The following DYM variants were observed in gnomAD, a reference collection of about 807,000 sequenced individuals.
DYM encodes dyggve-Melchior-Clausen syndrome protein.
DYM carries 78 observed loss-of-function variants against 93.1 expected under a neutral mutation model. The ratio of observed to expected loss-of-function variants is 0.84; its 90% CI spans 0.70 to 1.01. The LOEUF (loss-of-function observed/expected upper bound fraction) is 1.01. Ranked by LOEUF, DYM falls within the 50% of genes least tolerant of loss-of-function variation. DYM has a pLI of 0.00. For missense variants in DYM, 789 were observed against 845.0 expected (o/e 0.93, Z 0.82); for synonymous variants, 321 against 319.7 (o/e 1.00, Z -0.04).
intron 8 of DYM, among the ~76,000 whole-genome samples, chr18:49,287,987 G>A (rs1179631942): frequency 6.6e-6 from 1 of 151,996 alleles, no homozygotes; most frequent in African/African-American, 2.4e-5. Context: ...ACCAAAAAAA[G>A]AATGTAAATT....
intron 14 of DYM, 33 bp downstream of exon 14, chr18:49,209,518 G>C: frequency 7.9e-7 from 1 of 1,270,754 alleles, no homozygotes. Context: ...ACAACATGCA[G>C]CATGCAGTAA....
At chr18:49,197,247 T>C (rs1455609853) in intron 14 of DYM, among the ~76,000 whole-genome samples, 3 of 151,856 alleles carry the variant, frequency 2.0e-5, no homozygotes, top group East Asian at 2.0e-4. Context: ...TGTAAAGTCA[T>C]AGAAATTGAT....
chr18:49,359,165 T>A (rs909721601), intron 6 of DYM, among the ~76,000 whole-genome samples: 2 of 151,868 alleles, frequency 1.3e-5, no homozygotes, highest in South Asian at 4.1e-4. Flanking sequence ...AATACCTTTA[T>A]CTTTATTACT....
chr18:49,047,918 C>A (rs368920766), intron 17 of DYM, among the ~76,000 whole-genome samples: 1 of 152,162 alleles, frequency 6.6e-6, no homozygotes, highest in African/African-American at 2.4e-5. Context: ...TGGTCAGTCA[C>A]CAAATGTCCC....
At chr18:49,198,570 C>T in intron 14 of DYM, among the ~76,000 whole-genome samples, 1 of 152,108 alleles carries the variant, frequency 6.6e-6, no homozygotes, top group Non-Finnish European at 1.5e-5. Context: ...GGGTGAAGAA[C>T]ATGAACAGAC....
rs2061502463 is a variant in DYM at position 49,310,123 on chromosome 18, C to G, written c.763+21741G>C. ...TATGATTGTTTAAGAATAGGAAGTG[C>G]TTTGGGTAGACACGTCAAGTGATTA... On this transcript the variant is annotated intron_variant, in intron 8 of 17. Transcript: ENST00000675505. Among the ~76,000 whole-genome samples, 3 of 152,222 alleles carry G rather than the reference C, an allele frequency of 2.0e-5. No homozygotes were observed. The South Asian group carries it at 6.2e-4, about 32-fold the overall frequency.
At chr18:49,142,702 A>G (rs1338600622) in intron 15 of DYM, among the ~76,000 whole-genome samples, 1 of 152,180 alleles carries the variant, frequency 6.6e-6, no homozygotes, top group Non-Finnish European at 1.5e-5. Flanking sequence ...GCATCTGGTA[A>G]ACAACAAGTC....
At chr18:49,209,809 A>T in intron 13 of DYM, 94 bp from the exon 14 acceptor site, 1 of 800,708 alleles carries the variant, frequency 1.2e-6, no homozygotes, top group Non-Finnish European at 1.6e-6. Flanking sequence ...CTTTCTGTGT[A>T]TCTTCACTAG....
intron 8 of DYM, among the ~76,000 whole-genome samples, chr18:49,301,697 C>T (rs1459772480): frequency 6.6e-6 from 1 of 152,154 alleles, no homozygotes; most frequent in Non-Finnish European, 1.5e-5. Flanking sequence ...AATAAGCATA[C>T]ACTAACACTA....
intron 13 of DYM, among the ~76,000 whole-genome samples, chr18:49,236,811 G>C (rs867573603): frequency 3.3e-5 from 5 of 152,184 alleles, no homozygotes; most frequent in African/African-American, 4.8e-5. Context: ...CAACATGCAC[G>C]CGAGAGTCAG....
In DYM at chr18:49,403,998, G is replaced by GTT. The variant is rs113425880; in HGVS notation, c.141-12355_141-12354dup. Among the ~76,000 whole-genome samples, 66 of 147,564 alleles carry GTT rather than the reference G, an allele frequency of 4.5e-4. 1 individual carries two copies. The South Asian group carries it at 0.013, about 29-fold the overall frequency. ...TATCCAATTTACTGTTGTTTTTTCTGTTTTTTTTTTGTTTGTTTGTTTGTT... is the reference window on the plus strand; with the variant it reads ...TATCCAATTTACTGTTGTTTTTTCTGTTTTTTTTTTTTGTTTGTTTGTTTGTT... On this transcript the variant is annotated intron_variant, in intron 2 of 17. Transcript: ENST00000675505.
At chr18:49,271,795 C>A (rs1197317442) in intron 11 of DYM, among the ~76,000 whole-genome samples, 4 of 151,632 alleles carry the variant, frequency 2.6e-5, no homozygotes, top group African/African-American at 9.7e-5. Context: ...ATATATAAAA[C>A]AATGGATTTC....
intron 8 of DYM, among the ~76,000 whole-genome samples, chr18:49,289,052 A>C (rs1206908081): frequency 6.6e-6 from 1 of 152,194 alleles, no homozygotes; most frequent in Non-Finnish European, 1.5e-5. Flanking sequence ...CAAATAGGTC[A>C]ACAGAAGAGA....
chr18:49,130,322 C>T (rs1192006935), intron 15 of DYM, among the ~76,000 whole-genome samples: 1 of 152,172 alleles, frequency 6.6e-6, no homozygotes, highest in African/African-American at 2.4e-5. Flanking sequence ...GACACAAAAC[C>T]CAACTCTGCT....
chr18:49,217,788 C>A (rs1488313539), intron 13 of DYM, among the ~76,000 whole-genome samples: 1 of 152,192 alleles, frequency 6.6e-6, no homozygotes, highest in African/African-American at 2.4e-5. Flanking sequence ...CCGTACCACC[C>A]ACTGCAAAAA....
At chr18:49,063,665 C>T (rs563817799) in intron 17 of DYM, among the ~76,000 whole-genome samples, 223 of 135,546 alleles carry the variant, frequency 1.6e-3, no homozygotes, top group African/African-American at 5.6e-3. Flanking sequence ...TAGCTCTTGT[C>T]GCCCAGGATG....
Position 49,249,921 on chromosome 18 carries a change from T to C in DYM, c.1460+7089A>G, listed in dbSNP as rs576704215. On this transcript the variant is annotated intron_variant, in intron 13 of 17. Transcript: ENST00000675505. ...AAATAACTGTATTGCTCTCATAAAA[T>C]TGTTTTAATTAAAACCTAATCTATA... Among the ~76,000 whole-genome samples the C allele has an allele frequency of 7.3e-4, 111 of 152,370 alleles. 1 individual carries two copies. Among genetic ancestry groups the C allele is most frequent in the African/African-American group, 2.5e-3 (102 of 41,592 alleles).
At chr18:49,333,908 C>G in intron 6 of DYM, 55 bp from the exon 7 acceptor site, 1 of 1,539,292 alleles carries the variant, frequency 6.5e-7, no homozygotes, top group Non-Finnish European at 8.9e-7. Context: ...AGACACTATT[C>G]TTTTCTAAAT....
At chr18:49,123,028 C>A (rs2082518454) in intron 15 of DYM, among the ~76,000 whole-genome samples, 1 of 152,146 alleles carries the variant, frequency 6.6e-6, no homozygotes, top group Non-Finnish European at 1.5e-5. Flanking sequence ...CTCTCACAGT[C>A]ATGTTCTTAC....
Sources: allele counts gnomAD v4.1 joint callset (sites outside exome capture counted in the v4.1 genomes callset), GRCh38; gene constraint gnomAD v4.1.1; transcripts MANE v1.5; gene names NCBI Gene and HGNC (gene_info 2026-07-23, HGNC 2026-07-21).